Variants in NXPE2 observed in about 807,000 individuals in gnomAD.
The protein encoded by NXPE2 is neurexophilin and PC-esterase domain family member 2.
NXPE2 carries 34 observed loss-of-function variants against 34.4 expected under a neutral mutation model. That is an observed-to-expected ratio of 0.99 (90% CI 0.75 to 1.31). The LOEUF is 1.31. NXPE2 is among the 40% of genes most tolerant of loss of function. NXPE2 has a pLI of 0.00. For missense variants in NXPE2, 649 were observed against 672.5 expected, an observed-to-expected ratio of 0.97 and a Z score of 0.39; for synonymous variants, 235 against 231.3, an observed-to-expected ratio of 1.02 and a Z score of -0.15.
chr11:114,594,878 T>C, the NXPE2 span: 1 of 610,298 alleles, frequency 1.6e-6, no homozygotes, highest in Non-Finnish European at 2.9e-6. Flanking sequence ...CTTTTTAGCC[T>C]CAGATAAATA....
the NXPE2 span, among the ~76,000 whole-genome samples, chr11:114,483,092 A>G: frequency 6.6e-6 from 1 of 152,146 alleles, no homozygotes; most frequent in African/African-American, 2.4e-5. Context: ...ACCCTAATCT[A>G]TAGTCTGTAT....
chr11:114,628,657 A>G, the NXPE2 span, among the ~76,000 whole-genome samples: 2 of 149,172 alleles, frequency 1.3e-5, no homozygotes, highest in African/African-American at 5.0e-5. Flanking sequence ...AGAAGGCAAG[A>G]AATAACTAAA....
chr11:114,470,708 C>G, the NXPE2 span, among the ~76,000 whole-genome samples: 2 of 151,858 alleles, frequency 1.3e-5, no homozygotes, highest in Non-Finnish European at 2.9e-5. Context: ...ACACTGGCCA[C>G]TGGAGTCCTT....
the NXPE2 span, among the ~76,000 whole-genome samples, chr11:114,577,060 T>TAC: frequency 1.7e-4 from 8 of 48,374 alleles, no homozygotes; most frequent in African/African-American, 6.0e-4. Flanking sequence ...TATATATACA[T>TAC]ATATATATAT....
the NXPE2 span, among the ~76,000 whole-genome samples, chr11:114,600,451 T>C: frequency 6.6e-6 from 1 of 152,150 alleles, no homozygotes; most frequent in Non-Finnish European, 1.5e-5. Context: ...ACACAAATGC[T>C]GTACTGAGAA....
the NXPE2 span, among the ~76,000 whole-genome samples, chr11:114,637,946 A>G: frequency 2.1e-4 from 32 of 151,444 alleles, no homozygotes; most frequent in South Asian, 1.7e-3. Flanking sequence ...TGTGTCTTGG[A>G]GTTGCTCTTC....
chr11:114,733,168 C>T, the NXPE2 span, among the ~76,000 whole-genome samples: 76 of 152,286 alleles, frequency 5.0e-4, no homozygotes, highest in African/African-American at 1.2e-3. Flanking sequence ...GCAATCTCGG[C>T]TTACTGCAAG....
At chr11:114,608,268 G>A in the NXPE2 span, among the ~76,000 whole-genome samples, 5 of 151,644 alleles carry the variant, frequency 3.3e-5, no homozygotes, top group Non-Finnish European at 7.4e-5. Flanking sequence ...TTGCCTTGTG[G>A]GTAACCACTG....
chr11:114,793,505 C>T, the NXPE2 span, among the ~76,000 whole-genome samples: 4 of 152,180 alleles, frequency 2.6e-5, no homozygotes, highest in East Asian at 1.9e-4. Context: ...GAAAACCCAG[C>T]GAGAGGGAGG....
the NXPE2 span, among the ~76,000 whole-genome samples, chr11:114,799,962 T>C: frequency 1.6e-5 from 2 of 125,940 alleles, no homozygotes; most frequent in Non-Finnish European, 3.6e-5. Flanking sequence ...TCCTTCTTCC[T>C]CTGTCTCCCT....
At chr11:114,528,682 TACTC>T in the NXPE2 span, 35 of 464,528 alleles carry the variant, frequency 7.5e-5, no homozygotes, top group Non-Finnish European at 1.2e-4. Context: ...TGAAAGCTCT[TACTC>T]ACACTTTGTT....
At chr11:114,720,969 T>G in the NXPE2 span, among the ~76,000 whole-genome samples, 1 of 152,178 alleles carries the variant, frequency 6.6e-6, no homozygotes, top group Non-Finnish European at 1.5e-5. Flanking sequence ...TTGACCCAGA[T>G]GAACTTGATG....
At chr11:114,522,870 A>G in the NXPE2 span, 3 of 1,579,270 alleles carry the variant, frequency 1.9e-6, no homozygotes, top group Admixed American at 3.3e-5. Context: ...ATATAAAGTA[A>G]CTACCTACTT....
chr11:114,562,184 G>A, the NXPE2 span, among the ~76,000 whole-genome samples: 2 of 152,134 alleles, frequency 1.3e-5, no homozygotes, highest in African/African-American at 4.8e-5. Context: ...TTGGTTATGT[G>A]TTCATCTTTG....
At chr11:114,644,144 G>C in the NXPE2 span, among the ~76,000 whole-genome samples, 625 of 152,250 alleles carry the variant, frequency 4.1e-3, 2 homozygotes, top group African/African-American at 0.015. Context: ...ATCAGCTTAA[G>C]GAGATTTTGG....
chr11:114,763,118 C>T, the NXPE2 span, among the ~76,000 whole-genome samples: 1 of 152,076 alleles, frequency 6.6e-6, no homozygotes, highest in African/African-American at 2.4e-5. Context: ...GCTTCATAAA[C>T]TTGTCTGTGT....
At chr11:114,773,279 ACC>A in the NXPE2 span, among the ~76,000 whole-genome samples, 1 of 69,362 alleles carries the variant, frequency 1.4e-5, no homozygotes, top group African/African-American at 5.5e-5. Context: ...ACCCACTCCC[ACC>A]CCCCCCCCAC....
At chr11:114,762,179 CAG>C in the NXPE2 span, among the ~76,000 whole-genome samples, 1 of 152,004 alleles carries the variant, frequency 6.6e-6, no homozygotes. Flanking sequence ...AGGTGCTTTC[CAG>C]GTGGATGGGG....
At chr11:114,628,280 C>T in the NXPE2 span, among the ~76,000 whole-genome samples, 1 of 150,940 alleles carries the variant, frequency 6.6e-6, no homozygotes, top group East Asian at 1.9e-4. Context: ...ATAAACCTCT[C>T]CTCAGAAAAT....
Sources: gnomAD v4.1 joint callset for allele counts (sites outside exome capture counted in the v4.1 genomes callset) on GRCh38, gnomAD v4.1.1 for gene constraint, MANE v1.5 for transcripts, NCBI Gene and HGNC (gene_info 2026-07-23, HGNC 2026-07-21) for gene names.